Variants in EBF2 observed in about 807,000 individuals in gnomAD.
The protein encoded by EBF2 is EBF transcription factor 2.
A neutral mutation model predicts 72.8 loss-of-function variants in EBF2; 21 were observed. The ratio of observed to expected loss-of-function variants is 0.29; its 90% CI spans 0.20 to 0.42. The LOEUF (loss-of-function observed/expected upper bound fraction) is 0.42. EBF2 is among the 10% of genes least tolerant of loss of function. EBF2 has a pLI of 1.00. For missense variants in EBF2, 637 were observed against 731.2 expected (o/e 0.87, Z 1.49); for synonymous variants, 299 against 274.2 (o/e 1.09, Z -0.89).
intron 6 of EBF2, among the ~76,000 whole-genome samples, chr8:25,997,370 A>G (rs1486501095): frequency 6.6e-6 from 1 of 152,148 alleles, no homozygotes; most frequent in East Asian, 1.9e-4. Context: ...CGGGAATTTG[A>G]GACAAGCCTG....
At chr8:25,936,630 A>C (rs1371817757) in intron 6 of EBF2, among the ~76,000 whole-genome samples, 2 of 152,180 alleles carry the variant, frequency 1.3e-5, no homozygotes, top group Non-Finnish European at 2.9e-5. Flanking sequence ...AGCAGTTTAA[A>C]TTTTATTATA....
intron 6 of EBF2, chr8:26,032,124 A>T (rs1805418870): frequency 6.6e-6 from 1 of 152,206 alleles, no homozygotes; most frequent in Non-Finnish European, 1.5e-5. Context: ...ATTATTGAAG[A>T]ACAAAGATGC....
chr8:26,012,562 C>A (rs948598530), intron 6 of EBF2, among the ~76,000 whole-genome samples: 7 of 152,060 alleles, frequency 4.6e-5, no homozygotes, highest in South Asian at 2.1e-4. Context: ...CATTTGCATT[C>A]GAAAATGAAA....
chr8:25,992,542 C>T (rs1188465119), intron 6 of EBF2, among the ~76,000 whole-genome samples: 3 of 151,876 alleles, frequency 2.0e-5, no homozygotes, highest in Non-Finnish European at 2.9e-5. Flanking sequence ...ATTCAAGTGT[C>T]GTTTGTATTA....
At chr8:25,859,734 T>TTTTTTTTTTTG (rs1183390975) in intron 13 of EBF2, among the ~76,000 whole-genome samples, 3 of 151,106 alleles carry the variant, frequency 2.0e-5, no homozygotes, top group African/African-American at 4.9e-5. Context: ...TTTTTTTTTT[T>TTTTTTTTTTTG]GAGACAAGAT....
intron 6 of EBF2, among the ~76,000 whole-genome samples, chr8:25,935,861 A>C (rs1803570701): frequency 1.3e-5 from 2 of 152,208 alleles, no homozygotes; most frequent in Admixed American, 1.3e-4. Flanking sequence ...ATATTCCTTA[A>C]AGAGGCACTA....
Position 26,040,958 on chromosome 8 carries a change from T to TAACA in EBF2, c.332_333insTGTT (p.Leu111PhefsTer36). 6.2e-7 allele frequency: 1 copy of TAACA among 1,614,242 alleles called. No individual in the cohort carries two copies. Among genetic ancestry groups the TAACA allele is most frequent in the Non-Finnish European group, 8.5e-7 (1 of 1,180,048 alleles). On this transcript the variant is annotated frameshift_variant, in exon 3 of 16. Transcript: ENST00000520164. LOFTEE classifies it high-confidence loss of function. ...GCTCACCGTTGCTGTAGAGGAGCTG[T>TAACA]AACTTGTAGTGAGTGCCGTTGTTGG... is the stretch of plus-strand genomic sequence containing the variant.
chr8:25,873,032 T>C (rs1183060945), intron 10 of EBF2, among the ~76,000 whole-genome samples: 3 of 152,212 alleles, frequency 2.0e-5, no homozygotes, highest in African/African-American at 7.2e-5. Flanking sequence ...TTCCCTTCTC[T>C]CTCCCTCGTC....
intron 6 of EBF2, among the ~76,000 whole-genome samples, chr8:26,009,774 T>G (rs1467766965): frequency 6.6e-6 from 1 of 152,204 alleles, no homozygotes; most frequent in Non-Finnish European, 1.5e-5. Context: ...AAAACTGTTT[T>G]GCAGGGAAAC....
chr8:25,925,996 T>C (rs1221843351), intron 6 of EBF2, among the ~76,000 whole-genome samples: 1 of 152,206 alleles, frequency 6.6e-6, no homozygotes, highest in Non-Finnish European at 1.5e-5. Context: ...TTCCTTGATA[T>C]GCCCTCTTTT....
At chr8:25,882,990 G>A (rs1304408511) in intron 10 of EBF2, among the ~76,000 whole-genome samples, 1 of 152,212 alleles carries the variant, frequency 6.6e-6, no homozygotes, top group African/African-American at 2.4e-5. Flanking sequence ...CACCAGGCAG[G>A]ATGGCCAGAG....
intron 6 of EBF2, among the ~76,000 whole-genome samples, chr8:25,959,678 C>T (rs1352024): frequency 0.025 from 3,768 of 152,168 alleles, 50 homozygotes; most frequent in South Asian, 0.091. Context: ...GCCATTTTGC[C>T]GCAAACATCT....
chr8:26,044,587 G>T lies in EBF2; in HGVS notation c.131+142C>A. ...ACTGCAGCGATCTGCTTGCCCGAGG[G>T]CGAGCCCCAGCGCGCAGGGCCTGGG... On this transcript the variant is annotated intron_variant, in intron 1 of 15. Transcript: ENST00000520164. This position sits in a 1 kb window ranked among gnomAD's most constrained non-coding sequence, Gnocchi z 4.1. 7.9e-7 allele frequency: 1 copy of T among 1,268,908 alleles called. No homozygotes were observed. The highest frequency in any genetic ancestry group is 1.1e-6 in the Non-Finnish European group (1 of 922,714). The allele number at this position is 1,268,908 out of a possible 1,614,324, so 78.6% of individuals were successfully genotyped here. A position where few individuals can be genotyped will look rare whatever the true frequency, so the allele number is the denominator to read the frequency against.
rs747971268 is a variant in EBF2, at chr8:25,844,599, C to A, written c.*10G>T. ...TAAGTAGTTTTGTGCTATAAGAAAG[C>A]AGTTCTTCTTTACATCGGGGGTACA... On this transcript the variant is annotated 3_prime_UTR_variant, in exon 16 of 16. Transcript: ENST00000520164. 1 of 1,613,922 alleles carries A rather than the reference C, an allele frequency of 6.2e-7. No individual in the cohort carries two copies. The highest frequency in any genetic ancestry group is 8.5e-7 in the Non-Finnish European group (1 of 1,179,842).
intron 6 of EBF2, among the ~76,000 whole-genome samples, chr8:25,959,895 AGG>A (rs1306498637): frequency 1.3e-5 from 2 of 152,228 alleles, no homozygotes; most frequent in African/African-American, 2.4e-5. Flanking sequence ...TTAAAGGACT[AGG>A]TAGTATGGTC....
At chr8:25,974,069 CA>C (rs1269340942) in intron 6 of EBF2, among the ~76,000 whole-genome samples, 1 of 152,152 alleles carries the variant, frequency 6.6e-6, no homozygotes, top group Non-Finnish European at 1.5e-5. Flanking sequence ...ATGAGAATTC[CA>C]AATGGAAACA....
intron 7 of EBF2, among the ~76,000 whole-genome samples, chr8:25,897,203 G>T (rs1053713729): frequency 2.0e-5 from 3 of 149,676 alleles, no homozygotes; most frequent in Admixed American, 6.6e-5. Flanking sequence ...CTGAGAAGAC[G>T]TGCTCTTTTC....
intron 6 of EBF2, among the ~76,000 whole-genome samples, chr8:26,025,141 G>A (rs1805280212): frequency 6.6e-6 from 1 of 152,112 alleles, no homozygotes; most frequent in Non-Finnish European, 1.5e-5. Context: ...GGTGGAAATA[G>A]TGTATACAAA....
chr8:26,026,721 G>C (rs1320598257), intron 6 of EBF2, among the ~76,000 whole-genome samples: 3 of 152,084 alleles, frequency 2.0e-5, no homozygotes, highest in Non-Finnish European at 2.9e-5. Flanking sequence ...AGTTCTTCCA[G>C]ATCACACCCA....
Sources: allele counts gnomAD v4.1 joint callset (sites outside exome capture counted in the v4.1 genomes callset), GRCh38; gene constraint gnomAD v4.1.1; non-coding constraint Gnocchi (gnomAD v3.1); transcripts MANE v1.5; gene names NCBI Gene and HGNC (gene_info 2026-07-23, HGNC 2026-07-21).